The following FAM81A variants were observed in gnomAD, a reference collection of about 807,000 sequenced individuals.
FAM81A encodes the protein family with sequence similarity 81 member A, also known as protein FAM81A.
Under a neutral mutation model 46.7 loss-of-function variants are expected in FAM81A, and 19 were observed. That is an observed-to-expected ratio of 0.41 (90% CI 0.28 to 0.60). FAM81A has a LOEUF of 0.60. FAM81A is among the 20% of genes least tolerant of loss of function. The pLI is 0.34. For missense variants in FAM81A, 377 were observed against 453.5 expected, an observed-to-expected ratio of 0.83 and a Z score of 1.53; for synonymous variants, 183 against 152.9, an observed-to-expected ratio of 1.20 and a Z score of -1.45.
chr15:59,417,354 T>C (rs755251713), intron 2 of FAM81A, among the ~76,000 whole-genome samples: 1 of 151,992 alleles, frequency 6.6e-6, no homozygotes, highest in Non-Finnish European at 1.5e-5. Flanking sequence ...AATGTTCAAC[T>C]TACTTTATGA....
rs532912217 is a variant in FAM81A at position 59,441,338 on chromosome 15, A to G, written c.-78+3056A>G. 4.6e-5 allele frequency among the ~76,000 whole-genome samples: 7 copies of G among 152,310 alleles called. No individual in the cohort carries two copies. The East Asian group carries it at 1.4e-3, about 29-fold the overall frequency. ...TTTTCTGCGGTGAGAAAAATATTTT[A>G]TATCTGCACTGTTCCGTATGGTAGT... On this transcript the variant is annotated intron_variant, in intron 1 of 8. Transcript: ENST00000288228.
At position 59,459,939 on chromosome 15, in the gene FAM81A, G is replaced by C; in HGVS notation, c.27G>C (p.Val9=). ...TCATGGTTCCCTTCTGCAGGCGAGT[G>C]AGAACCATGCCCCGACACAGCCAGT... MENMHLRR[V]RTMPRHSQSL... Residue 9 remains valine, a synonymous_variant, in exon 3 of 9, where the codon GTG becomes GTC. Coordinates refer to ENST00000288228, the MANE Select transcript of FAM81A (RefSeq NM_152450.3). 1 of 1,599,812 alleles carries C rather than the reference G, an allele frequency of 6.3e-7. No homozygotes were observed. The highest frequency in any genetic ancestry group is 8.5e-7 in the Non-Finnish European group (1 of 1,171,464).
chr15:59,399,573 C>T (rs944650020), intron 1 of FAM81A, among the ~76,000 whole-genome samples: 5 of 152,010 alleles, frequency 3.3e-5, no homozygotes, highest in Admixed American at 6.6e-5. Context: ...AAGGGATGTA[C>T]GAGAGGAGGA....
At chr15:59,436,726 C>A (rs577516344), upstream of FAM81A, among the ~76,000 whole-genome samples, 1 of 152,190 alleles carries the variant, frequency 6.6e-6, no homozygotes, top group Non-Finnish European at 1.5e-5. Context: ...CTAGTACATA[C>A]CATGCACCAG....
intron 2 of FAM81A, among the ~76,000 whole-genome samples, chr15:59,413,316 G>T (rs1440352613): frequency 6.6e-6 from 1 of 151,982 alleles, no homozygotes; most frequent in Non-Finnish European, 1.5e-5. Context: ...GAGTGTGAGG[G>T]CCCAGTCAGG....
At chr15:59,416,200 A>G (rs1326280597) in intron 2 of FAM81A, among the ~76,000 whole-genome samples, 1 of 152,236 alleles carries the variant, frequency 6.6e-6, no homozygotes, top group Non-Finnish European at 1.5e-5. Flanking sequence ...GAAAGGGTGC[A>G]GGACATGGGA....
chr15:59,414,847 G>C (rs1387809560), intron 2 of FAM81A, among the ~76,000 whole-genome samples: 2 of 151,446 alleles, frequency 1.3e-5, no homozygotes. Context: ...ATGGAGTCTC[G>C]CTCTGTCACC....
At chr15:59,414,137 A>G (rs1471123539) in intron 2 of FAM81A, among the ~76,000 whole-genome samples, 2 of 152,090 alleles carry the variant, frequency 1.3e-5, no homozygotes, top group Non-Finnish European at 2.9e-5. Context: ...TATTTTTAGT[A>G]GAGACAGGGT....
chr15:59,421,871 C>CTATCTATG (rs1333850555), intron 2 of FAM81A, among the ~76,000 whole-genome samples: 11 of 12,146 alleles, frequency 9.1e-4, no homozygotes, highest in Admixed American at 6.7e-3. Context: ...CCTCAACCCT[C>CTATCTATG]TATCTATCTA....
intron 3 of FAM81A, among the ~76,000 whole-genome samples, chr15:59,472,525 C>A (rs1203060103): frequency 7.3e-5 from 11 of 151,412 alleles, no homozygotes; most frequent in African/African-American, 2.7e-4. Context: ...CATAACCCAG[C>A]TTCCCTGTTG....
intron 1 of FAM81A, among the ~76,000 whole-genome samples, chr15:59,400,136 G>C (rs2081064026): frequency 6.6e-6 from 1 of 152,098 alleles, no homozygotes; most frequent in South Asian, 2.1e-4. Context: ...AGATTGCAAA[G>C]GCACCTCCAA....
intron 2 of FAM81A, among the ~76,000 whole-genome samples, chr15:59,430,352 C>A (rs1349901033): frequency 6.6e-6 from 1 of 150,524 alleles, no homozygotes; most frequent in Non-Finnish European, 1.5e-5. Flanking sequence ...GCAACCTCCG[C>A]CTCCCGGGTT....
intron 8 of FAM81A, among the ~76,000 whole-genome samples, chr15:59,519,001 CT>C (rs1415992760): frequency 6.6e-6 from 1 of 151,136 alleles, no homozygotes; most frequent in African/African-American, 2.4e-5. Flanking sequence ...AAAATGTACT[CT>C]TTTAGCAAAA....
Position 59,458,636 on chromosome 15 carries a change from A to G in FAM81A, c.10A>G (p.Met4Val). 1.2e-6 allele frequency: 2 copies of G among 1,613,878 alleles called. No individual in the cohort carries two copies. Among genetic ancestry groups the G allele is most frequent in the Non-Finnish European group, 8.5e-7 (1 of 1,179,750 alleles). ...AGGAAAGGTATAATATATGGAAAAT[A>G]TGCATCTAAGGTATACTTTTCCTTT... MEN[M>V]HLRRVRTMPR... The change falls in exon 2 of 9, where the codon ATG becomes GTG. Residue 4 changes from methionine to valine, a missense_variant. Met to Val is a conservative substitution (Grantham distance 21). Transcript: ENST00000288228.
intron 4 of FAM81A, among the ~76,000 whole-genome samples, chr15:59,496,863 C>T (rs1351107852): frequency 6.6e-6 from 1 of 152,010 alleles, no homozygotes; most frequent in Admixed American, 6.6e-5. Flanking sequence ...CAGTGGCTCA[C>T]GCTTGTAGTC....
Position 59,496,030 on chromosome 15 carries a change from A to G in FAM81A, c.413+3641A>G, listed in dbSNP as rs58510779. ...AAAATTTTTAATCTTGCTTATATCT[A>G]ACATCTATCTTTTCTTCAGTTGCTA... is the stretch of plus-strand genomic sequence containing the variant. On this transcript the variant is annotated intron_variant, in intron 4 of 8. Coordinates refer to ENST00000288228, the MANE Select transcript of FAM81A (RefSeq NM_152450.3). 8.4e-4 allele frequency among the ~76,000 whole-genome samples: 128 copies of G among 152,280 alleles called. 1 individual carries two copies. Among genetic ancestry groups the G allele is most frequent in the African/African-American group, 3.0e-3 (126 of 41,564 alleles).
At chr15:59,500,754 C>T (rs1045313798) in intron 4 of FAM81A, among the ~76,000 whole-genome samples, 1 of 151,806 alleles carries the variant, frequency 6.6e-6, no homozygotes, top group Admixed American at 6.6e-5. Flanking sequence ...TTCAAGTTCA[C>T]TAGTCTTTGT....
At chr15:59,458,698 G>A (rs2081513487) in intron 2 of FAM81A, 52 bp downstream of exon 2, 10 of 1,523,652 alleles carry the variant, frequency 6.6e-6, no homozygotes, top group South Asian at 1.1e-5. Flanking sequence ...GGGTGTGATA[G>A]TTACAAATCA....
chr15:59,430,785 G>C (rs1288511254), intron 2 of FAM81A, among the ~76,000 whole-genome samples: 3 of 152,198 alleles, frequency 2.0e-5, no homozygotes, highest in Non-Finnish European at 2.9e-5. Context: ...GTAAGGAAAA[G>C]AGATGGTTTG....
Sources: allele counts gnomAD v4.1 joint callset (sites outside exome capture counted in the v4.1 genomes callset), GRCh38; gene constraint gnomAD v4.1.1; transcripts MANE v1.5; gene names NCBI Gene and HGNC (gene_info 2026-07-23, HGNC 2026-07-21).